ADCY9: variants seen among roughly 807,000 people sequenced by gnomAD.
ADCY9 encodes adenylate cyclase 9.
Under a neutral mutation model 101.5 loss-of-function variants are expected in ADCY9, and 50 were observed. The observed-to-expected ratio is 0.49, with a 90% CI of 0.39 to 0.62. The LOEUF is 0.62. Among genes scored for constraint, ADCY9 ranks in the 20% least tolerant of loss-of-function variants. The pLI is 0.00. For missense variants in ADCY9, 1,662 were observed against 1,800.4 expected, an observed-to-expected ratio of 0.92 and a Z score of 1.39; for synonymous variants, 905 against 769.3, an observed-to-expected ratio of 1.18 and a Z score of -2.92.
At chr16:4,066,555 G>A (rs2056802238) in intron 2 of ADCY9, among the ~76,000 whole-genome samples, 1 of 151,834 alleles carries the variant, frequency 6.6e-6, no homozygotes, top group South Asian at 2.1e-4. Context: ...CCCAGCTAAT[G>A]TTTTTATTAT....
chr16:4,083,096 C>A (rs988456991), intron 2 of ADCY9, among the ~76,000 whole-genome samples: 7 of 152,210 alleles, frequency 4.6e-5, no homozygotes, highest in African/African-American at 1.7e-4. Context: ...CATCACACCT[C>A]TGAATTAATC....
intron 3 of ADCY9, among the ~76,000 whole-genome samples, chr16:4,002,250 A>G (rs1406741088): frequency 6.6e-6 from 1 of 152,238 alleles, no homozygotes; most frequent in Non-Finnish European, 1.5e-5. Flanking sequence ...GTATGTGTCT[A>G]TAAAATATGA....
At chr16:4,048,626 C>G (rs1204037032) in intron 2 of ADCY9, among the ~76,000 whole-genome samples, 2 of 152,204 alleles carry the variant, frequency 1.3e-5, no homozygotes, top group African/African-American at 4.8e-5. Context: ...CTCGGTGCAC[C>G]TGGAGAGGGA....
intron 2 of ADCY9, among the ~76,000 whole-genome samples, chr16:4,083,662 T>A (rs2056919300): frequency 6.6e-6 from 1 of 152,170 alleles, no homozygotes; most frequent in Non-Finnish European, 1.5e-5. Flanking sequence ...CGCAATGGAA[T>A]ATTATTCAGC....
chr16:3,968,196 G>C (rs551019053), intron 10 of ADCY9, among the ~76,000 whole-genome samples: 1 of 151,840 alleles, frequency 6.6e-6, no homozygotes, highest in East Asian at 1.9e-4. Flanking sequence ...TTGCTGGTGA[G>C]ATCTTGGCTC....
At chr16:3,973,299 C>T (rs1185990466) in intron 10 of ADCY9, among the ~76,000 whole-genome samples, 1 of 152,086 alleles carries the variant, frequency 6.6e-6, no homozygotes, top group African/African-American at 2.4e-5. Context: ...CCTCCGCTTC[C>T]CAGGTTCAAG....
rs903285233 is a variant in ADCY9, at chr16:3,992,957, G to A, written c.1989+449C>T. 8.5e-5 allele frequency among the ~76,000 whole-genome samples: 13 copies of A among 152,118 alleles called. No individual in the cohort carries two copies. The highest frequency in any genetic ancestry group is 1.2e-4 in the Non-Finnish European group (8 of 68,016). On this transcript the variant is annotated intron_variant, in intron 4 of 10. Coordinates refer to ENST00000294016, the MANE Select transcript of ADCY9 (RefSeq NM_001116.4). This position sits in a 1 kb window ranked among gnomAD's most constrained non-coding sequence, Gnocchi z 4.2. ...GCCGACAGGCTCTCGCGGGTGGGCTGAGTCCTGGCCCTGGTGTCCAAGTCT... is the reference window on the plus strand; with the variant it reads ...GCCGACAGGCTCTCGCGGGTGGGCTAAGTCCTGGCCCTGGTGTCCAAGTCT...
chr16:3,982,732 C>T (rs1375113995), intron 7 of ADCY9: 1 of 158,082 alleles, frequency 6.3e-6, no homozygotes, highest in Non-Finnish European at 1.4e-5. Context: ...TGATGGTGTT[C>T]TTTGTAGCGC....
chr16:3,972,211 AAAG>A (rs2056057842), intron 10 of ADCY9, among the ~76,000 whole-genome samples: 1 of 150,484 alleles, frequency 6.6e-6, no homozygotes, highest in African/African-American at 2.4e-5. Context: ...TCCACTTCAA[AAAG>A]AAGAATTTCT....
chr16:4,069,730 G>C (rs1207705176), intron 2 of ADCY9, among the ~76,000 whole-genome samples: 1 of 152,068 alleles, frequency 6.6e-6, no homozygotes, highest in Non-Finnish European at 1.5e-5. Context: ...TCTTACTTCT[G>C]TTCTTTAGAA....
At chr16:4,047,745 C>G (rs567056461) in intron 2 of ADCY9, among the ~76,000 whole-genome samples, 1 of 152,332 alleles carries the variant, frequency 6.6e-6, no homozygotes, top group Admixed American at 6.5e-5. Flanking sequence ...CAAGCAGGTC[C>G]TTGGTTGAAA....
chr16:4,090,507 T>G (rs1170697986), intron 2 of ADCY9, among the ~76,000 whole-genome samples: 1 of 152,032 alleles, frequency 6.6e-6, no homozygotes, highest in East Asian at 1.9e-4. Context: ...ATTAAGGAAG[T>G]GCTGTGGGAA....
At chr16:3,958,667 C>T (rs1439730909), downstream of ADCY9, among the ~76,000 whole-genome samples, 3 of 110,214 alleles carry the variant, frequency 2.7e-5, no homozygotes, top group Middle Eastern at 3.9e-3. Context: ...TCTTTCTCGT[C>T]GGTTACTTTT....
chr16:4,011,241 C>T (rs1255040370), intron 2 of ADCY9, among the ~76,000 whole-genome samples: 1 of 152,158 alleles, frequency 6.6e-6, no homozygotes, highest in African/African-American at 2.4e-5. Context: ...GCAGGCATAG[C>T]TAAAGGATGG....
At chr16:4,045,946 G>C (rs2056661704) in intron 2 of ADCY9, among the ~76,000 whole-genome samples, 1 of 146,290 alleles carries the variant, frequency 6.8e-6, no homozygotes, top group Non-Finnish European at 1.5e-5. Flanking sequence ...CTAGGCTCAA[G>C]CGATCCTCCC....
intron 10 of ADCY9, among the ~76,000 whole-genome samples, chr16:3,968,016 T>C (rs2056014742): frequency 6.6e-6 from 1 of 151,756 alleles, no homozygotes; most frequent in South Asian, 2.1e-4. Flanking sequence ...TTTTTGAAAG[T>C]AAGTTGCTGA....
chr16:4,007,482 G>A lies in ADCY9; in HGVS notation c.1770C>T (p.Gly590=), dbSNP rs751937409. 6 of 1,614,104 alleles carry A rather than the reference G, an allele frequency of 3.7e-6. No individual in the cohort carries two copies. The highest frequency in any genetic ancestry group is 5.1e-6 in the Non-Finnish European group (6 of 1,180,028). The change falls in exon 3 of 11, where the codon GGC becomes GGT. Residue 590 remains glycine (G), a synonymous_variant. Coordinates refer to ENST00000294016, the MANE Select transcript of ADCY9 (RefSeq NM_001116.4). ...CCTGTGAGCCGTCAATGACCTCAAA[G>A]CCAGAAAGCAAGGCCTCTGCACAGC... is the stretch of plus-strand genomic sequence containing the variant. ...RCSCAEALLS[G]FEVIDGSQVS...
At chr16:3,969,614 T>TA (rs1567414929) in intron 10 of ADCY9, among the ~76,000 whole-genome samples, 666 of 50,314 alleles carry the variant, frequency 0.013, 18 homozygotes, top group Non-Finnish European at 0.015. Flanking sequence ...ATATATGTAT[T>TA]TTTTTTTTTT....
chr16:4,057,995 C>A (rs986040310), intron 2 of ADCY9, among the ~76,000 whole-genome samples: 2 of 151,734 alleles, frequency 1.3e-5, no homozygotes, highest in African/African-American at 2.4e-5. Context: ...CCCATCTCTA[C>A]TAAAAATACA....
Sources: gnomAD v4.1 joint callset for allele counts (sites outside exome capture counted in the v4.1 genomes callset) on GRCh38, gnomAD v4.1.1 for gene constraint, Gnocchi (gnomAD v3.1) non-coding constraint, MANE v1.5 for transcripts, NCBI Gene and HGNC (gene_info 2026-07-23, HGNC 2026-07-21) for gene names.